ASB3: variants seen among roughly 807,000 people sequenced by gnomAD.
The protein encoded by ASB3 is ankyrin repeat and SOCS box containing 3, also known as ankyrin repeat and SOCS box protein 3.
A neutral mutation model predicts 54.5 loss-of-function variants in ASB3; 41 were observed. The observed-to-expected ratio is 0.75, with a 90% CI of 0.59 to 0.98. The LOEUF (loss-of-function observed/expected upper bound fraction) is 0.98. ASB3 is among the 50% of genes least tolerant of loss of function. The probability of loss-of-function intolerance (pLI) is 0.00; values close to 1 mark genes in which losing one functional copy is unlikely to be tolerated. For synonymous variants in ASB3, 266 were observed against 221.2 expected (o/e 1.20, Z -1.80); for missense variants, 733 against 620.0 (o/e 1.18, Z -1.94).
At chr2:53,752,625 G>A (rs953835954) in intron 2 of ASB3, among the ~76,000 whole-genome samples, 1 of 152,254 alleles carries the variant, frequency 6.6e-6, no homozygotes, top group East Asian at 1.9e-4. Flanking sequence ...AGCCCCCTGT[G>A]CACAATGACC....
chr2:53,728,960 A>G (rs1671155111), intron 4 of ASB3, 113 bp from the exon 5 acceptor site: 11 of 1,273,472 alleles, frequency 8.6e-6, no homozygotes, highest in Middle Eastern at 2.3e-4. Flanking sequence ...GGATAACTTG[A>G]AGGAAAAAAC....
intron 1 of ASB3, among the ~76,000 whole-genome samples, chr2:53,782,811 A>T (rs1007823315): frequency 6.6e-6 from 1 of 151,956 alleles, no homozygotes; most frequent in African/African-American, 2.4e-5. Flanking sequence ...TTTTAGATGA[A>T]GTTTCACTTT....
chr2:53,764,019 C>CA lies in ASB3; in HGVS notation c.196+1357dup, dbSNP rs944178488. Among the ~76,000 whole-genome samples, 15 of 151,096 alleles carry CA rather than the reference C, an allele frequency of 9.9e-5. 1 individual carries two copies. The highest frequency in any genetic ancestry group is 2.7e-4 in the African/African-American group (11 of 41,224). On this transcript the variant is annotated intron_variant, in intron 2 of 9. Coordinates refer to ENST00000263634, the MANE Select transcript of ASB3 (RefSeq NM_016115.5). ...CCTTACCATCTCTTACCTGTTAAGA[C>CA]AAAAAAAAGAAAAAAACAAAACAAC...
At chr2:53,685,063 A>G (rs917271619) in intron 9 of ASB3, among the ~76,000 whole-genome samples, 1 of 152,210 alleles carries the variant, frequency 6.6e-6, no homozygotes, top group Non-Finnish European at 1.5e-5. Context: ...GGAGGCATGG[A>G]AAGGGCCAGA....
Position 53,670,701 on chromosome 2 carries a change from A to G in ASB3, c.1370-11T>C. Reference sequence around the variant, plus strand: ...GGGATGGAACAGTGGCTGGAGAAACAAAAAAAGCAAGGTGAAACTTTTTTA... The same window carrying G: ...GGGATGGAACAGTGGCTGGAGAAACGAAAAAAGCAAGGTGAAACTTTTTTA... On this transcript the variant is annotated splice_polypyrimidine_tract_variant and intron_variant, in intron 9 of 9. Transcript: ENST00000263634. 1 of 1,588,114 alleles carries G rather than the reference A, an allele frequency of 6.3e-7. No individual in the cohort carries two copies. The highest frequency in any genetic ancestry group is 8.6e-7 in the Non-Finnish European group (1 of 1,169,588).
chr2:53,680,976 T>TA (rs1346492608), intron 9 of ASB3, among the ~76,000 whole-genome samples: 1 of 152,102 alleles, frequency 6.6e-6, no homozygotes, highest in Non-Finnish European at 1.5e-5. Flanking sequence ...AGTGAGAACA[T>TA]GCTAAGTTTG....
intron 2 of ASB3, among the ~76,000 whole-genome samples, chr2:53,755,903 G>C (rs1254366659): frequency 1.3e-5 from 2 of 152,074 alleles, no homozygotes; most frequent in African/African-American, 2.4e-5. Flanking sequence ...TGTAATCCCA[G>C]CACTTTGGGA....
chr2:53,677,757 A>T (rs2103646472), intron 9 of ASB3, among the ~76,000 whole-genome samples: 1 of 152,272 alleles, frequency 6.6e-6, no homozygotes, highest in South Asian at 2.1e-4. Flanking sequence ...TAGGACTTAA[A>T]ACATTGAGAA....
chr2:53,701,679 A>T (rs1669503475), intron 7 of ASB3, among the ~76,000 whole-genome samples: 2 of 152,210 alleles, frequency 1.3e-5, no homozygotes, highest in South Asian at 2.1e-4. Flanking sequence ...GATAGGATGA[A>T]TGTATTTTTA....
rs936835401 is a variant in ASB3, at chr2:53,752,640, C to A, written c.197-1699G>T. The stretch of plus-strand genomic sequence containing the variant: ...AGCCCCCTGTGCACAATGACCTGGG[C>A]AGCATTTGGCTGTCTCCTCTCTCTA... On this transcript the variant is annotated intron_variant, in intron 2 of 9. Transcript: ENST00000263634. 7.9e-5 allele frequency among the ~76,000 whole-genome samples: 12 copies of A among 152,384 alleles called. 1 individual carries two copies. The highest frequency in any genetic ancestry group is 2.9e-4 in the African/African-American group (12 of 41,592).
At chr2:53,727,065 A>G (rs1294643653) in intron 5 of ASB3, among the ~76,000 whole-genome samples, 1 of 152,228 alleles carries the variant, frequency 6.6e-6, no homozygotes, top group African/African-American at 2.4e-5. Context: ...AAGGAAGATC[A>G]GAAGTCAGAA....
chr2:53,748,022 A>G (rs1298115064), intron 3 of ASB3, among the ~76,000 whole-genome samples: 1 of 152,244 alleles, frequency 6.6e-6, no homozygotes, highest in Non-Finnish European at 1.5e-5. Context: ...AGATTCAAAG[A>G]TAGCTCTTCT....
intron 1 of ASB3, chr2:53,771,861 G>A: frequency 8.8e-7 from 1 of 1,136,592 alleles, no homozygotes; most frequent in Non-Finnish European, 1.3e-6. Flanking sequence ...GCTACTTAAT[G>A]AACTTTATTA....
chr2:53,754,864 A>T (rs1456350376), intron 2 of ASB3, among the ~76,000 whole-genome samples: 1 of 152,164 alleles, frequency 6.6e-6, no homozygotes, highest in East Asian at 1.9e-4. Context: ...ACCCACTATA[A>T]ATTAGTTTTG....
Position 53,670,623 on chromosome 2 carries a change from T to G in ASB3, c.1437A>C (p.Leu479=), listed in dbSNP as rs1263442476. The part of the protein sequence containing the change: ...EIRSSLKSER[L]RSDSYISQLP... ...GCTGACTAATATAACTGTCAGACCG[T>G]AGACGTTCTGATTTTAGACTGGACC... is the stretch of plus-strand genomic sequence containing the variant. Residue 479 remains leucine, a synonymous_variant, in exon 10 of 10, where the codon CTA becomes CTC. Coordinates refer to ENST00000263634, the MANE Select transcript of ASB3 (RefSeq NM_016115.5). 6.2e-7 allele frequency: 1 copy of G among 1,614,072 alleles called. No homozygotes were observed. The highest frequency in any genetic ancestry group is 1.6e-4 in the Middle Eastern group (1 of 6,062).
At chr2:53,777,772 T>C (rs1674423900) in intron 1 of ASB3, among the ~76,000 whole-genome samples, 1 of 152,222 alleles carries the variant, frequency 6.6e-6, no homozygotes, top group Non-Finnish European at 1.5e-5. Context: ...ATTTTCACAA[T>C]ATACACAAAA....
chr2:53,726,693 G>A (rs1671018782), intron 5 of ASB3, among the ~76,000 whole-genome samples: 1 of 148,394 alleles, frequency 6.7e-6, no homozygotes, highest in Non-Finnish European at 1.5e-5. Context: ...TATATATATA[G>A]TTTTGTTTTG....
At chr2:53,717,229 A>C (rs2009143) in intron 5 of ASB3, among the ~76,000 whole-genome samples, 2,980 of 152,228 alleles carry the variant, frequency 0.02, 97 homozygotes, top group African/African-American at 0.068. Flanking sequence ...GAAAAATGCA[A>C]ACTATCAAAC....
intron 7 of ASB3, among the ~76,000 whole-genome samples, chr2:53,701,070 C>T (rs949547890): frequency 2.6e-5 from 4 of 152,140 alleles, no homozygotes; most frequent in South Asian, 2.1e-4. Flanking sequence ...AACTCCTGGG[C>T]TCCAGTGATC....
Sources: gnomAD v4.1 joint callset for allele counts (sites outside exome capture counted in the v4.1 genomes callset) on GRCh38, gnomAD v4.1.1 for gene constraint, MANE v1.5 for transcripts, NCBI Gene and HGNC (gene_info 2026-07-23, HGNC 2026-07-21) for gene names.